The following SLC25A42 variants were observed in gnomAD, a reference collection of about 807,000 sequenced individuals.
SLC25A42 encodes the protein solute carrier family 25 member 42, also known as mitochondrial coenzyme A transporter SLC25A42.
In SLC25A42, 19 loss-of-function variants were observed where a neutral mutation model predicts 34.7. The observed-to-expected ratio is 0.55, with a 90% CI of 0.38 to 0.80. The LOEUF (loss-of-function observed/expected upper bound fraction) is 0.80, where lower values mean the gene tolerates loss of function less well. SLC25A42 is among the 30% of genes least tolerant of loss of function. SLC25A42 has a pLI of 0.00. For synonymous variants in SLC25A42, 205 were observed against 191.2 expected (o/e 1.07, Z -0.59); for missense variants, 364 against 441.3 (o/e 0.82, Z 1.57).
intron 1 of SLC25A42, among the ~76,000 whole-genome samples, chr19:19,076,613 A>G (rs950575568): frequency 2.0e-5 from 3 of 152,232 alleles, no homozygotes; most frequent in African/African-American, 4.8e-5. Context: ...CAGGTTTGGC[A>G]TCCATTGGCC....
At chr19:19,106,161 C>T in intron 5 of SLC25A42, 108 bp from the exon 6 acceptor site, 2 of 940,788 alleles carry the variant, frequency 2.1e-6, no homozygotes, top group Non-Finnish European at 3.2e-6. Flanking sequence ...TCCTCGGTCC[C>T]CACCCCTGTC....
chr19:19,101,662 A>AG (rs1444076632), intron 2 of SLC25A42, 119 bp from the exon 3 acceptor site: 2 of 808,316 alleles, frequency 2.5e-6, no homozygotes, highest in East Asian at 5.5e-5. Flanking sequence ...CAACATACTC[A>AG]GGGTGGGGTA....
chr19:19,105,371 G>A lies in SLC25A42; in HGVS notation c.214-190G>A. The A allele has an allele frequency of 6.0e-6, 4 of 666,588 alleles. No homozygotes were observed. In the Admixed American group the frequency reaches 9.1e-5, roughly 15 times the overall value. The allele number at this position is 666,588 out of a possible 1,614,324, so 41.3% of individuals were successfully genotyped here. A position where few individuals can be genotyped will look rare whatever the true frequency, so the allele number is the denominator to read the frequency against. ...AGAAAACATAGGGAGGAAGGACGGGGCTGGGGTTGATAATGTCAGTCTGGA... is the reference window on the plus strand; with the variant it reads ...AGAAAACATAGGGAGGAAGGACGGGACTGGGGTTGATAATGTCAGTCTGGA... On this transcript the variant is annotated intron_variant, in intron 4 of 7. Coordinates refer to ENST00000318596, the MANE Select transcript of SLC25A42 (RefSeq NM_178526.5).
At chr19:19,068,527 C>T (rs987090064) in intron 1 of SLC25A42, among the ~76,000 whole-genome samples, 2 of 151,688 alleles carry the variant, frequency 1.3e-5, no homozygotes, top group African/African-American at 4.8e-5. Flanking sequence ...ATTAGCCGGG[C>T]ATGTTGGTGG....
At chr19:19,089,466 T>G (rs2059726080) in intron 1 of SLC25A42, among the ~76,000 whole-genome samples, 1 of 150,860 alleles carries the variant, frequency 6.6e-6, no homozygotes, top group Non-Finnish European at 1.5e-5. Context: ...AGGTGGAGGT[T>G]GCAGTGAGCT....
Position 19,105,462 on chromosome 19 carries a change from C to G in SLC25A42, c.214-99C>G, listed in dbSNP as rs1048095357. 4.2e-6 allele frequency: 6 copies of G among 1,437,928 alleles called. No individual in the cohort carries two copies. The African/African-American group carries it at 7.1e-5, about 17-fold the overall frequency. The allele number at this position is 1,437,928 out of a possible 1,614,324, so 89.1% of individuals were successfully genotyped here. On this transcript the variant is annotated intron_variant, in intron 4 of 7. Coordinates refer to ENST00000318596, the MANE Select transcript of SLC25A42 (RefSeq NM_178526.5). ...GCTGTGCATGGAGATGGGGTCACCCCGGCCCCGCCTCCGCACTTTGGGCGC... is the reference window on the plus strand; with the variant it reads ...GCTGTGCATGGAGATGGGGTCACCCGGGCCCCGCCTCCGCACTTTGGGCGC...
chr19:19,070,994 T>TTTTTTTTTTTTTTTC, intron 1 of SLC25A42, among the ~76,000 whole-genome samples: 1 of 135,960 alleles, frequency 7.4e-6, no homozygotes, highest in African/African-American at 2.8e-5. Context: ...ATACCGTCTT[T>TTTTTTTTTTTTTTTC]TTTTTTTTTT....
At chr19:19,069,036 A>C (rs2059616645) in intron 1 of SLC25A42, among the ~76,000 whole-genome samples, 1 of 151,910 alleles carries the variant, frequency 6.6e-6, no homozygotes, top group Admixed American at 6.6e-5. Flanking sequence ...TTAAAAAAAA[A>C]AAAAAAGTAT....
At chr19:19,073,637 T>C (rs2059641636) in intron 1 of SLC25A42, among the ~76,000 whole-genome samples, 1 of 151,526 alleles carries the variant, frequency 6.6e-6, no homozygotes, top group African/African-American at 2.4e-5. Context: ...TGCAGTGGCA[T>C]GATCTTGGCT....
intron 1 of SLC25A42, among the ~76,000 whole-genome samples, chr19:19,083,465 C>T (rs2059691187): frequency 6.6e-6 from 1 of 152,256 alleles, no homozygotes; most frequent in Non-Finnish European, 1.5e-5. Flanking sequence ...CCTTAAGGTT[C>T]CCCTTTCCAG....
chr19:19,097,559 A>G (rs936191562), intron 2 of SLC25A42, among the ~76,000 whole-genome samples: 1 of 152,206 alleles, frequency 6.6e-6, no homozygotes, highest in Non-Finnish European at 1.5e-5. Context: ...TCACACACAC[A>G]TGCCCATTCT....
At chr19:19,095,868 T>C (rs2059761843) in intron 1 of SLC25A42, 1 of 574,250 alleles carries the variant, frequency 1.7e-6, no homozygotes, top group African/African-American at 1.8e-5. Flanking sequence ...GGGCACCAGA[T>C]TTGGAAAAAG....
At chr19:19,074,593 A>G (rs575340435) in intron 1 of SLC25A42, among the ~76,000 whole-genome samples, 1 of 152,314 alleles carries the variant, frequency 6.6e-6, no homozygotes, top group Admixed American at 6.5e-5. Context: ...AGGTAACAGC[A>G]TAAACGGTGG....
chr19:19,108,131 A>C, intron 7 of SLC25A42, 86 bp downstream of exon 7: 1 of 1,464,032 alleles, frequency 6.8e-7, no homozygotes, highest in Middle Eastern at 2.0e-4. Context: ...ATAGACCTGG[A>C]GACCAGGCGG....
At chr19:19,085,543 G>T (rs574343410) in intron 1 of SLC25A42, among the ~76,000 whole-genome samples, 73 of 152,284 alleles carry the variant, frequency 4.8e-4, no homozygotes, top group Admixed American at 1.3e-3. Context: ...CACATGCCCA[G>T]CTAATTTTTG....
intron 1 of SLC25A42, among the ~76,000 whole-genome samples, chr19:19,068,363 A>AT: frequency 6.7e-6 from 1 of 149,712 alleles, no homozygotes; most frequent in African/African-American, 2.5e-5. Context: ...TCAAAAAAAA[A>AT]AAAAAAAAGT....
At chr19:19,083,033 G>A (rs1483461124) in intron 1 of SLC25A42, among the ~76,000 whole-genome samples, 1 of 151,922 alleles carries the variant, frequency 6.6e-6, no homozygotes, top group South Asian at 2.1e-4. Context: ...TGTTGGCCAG[G>A]ATGGTCATGA....
chr19:19,103,230 A>G (rs2059807754), intron 3 of SLC25A42, among the ~76,000 whole-genome samples: 3 of 152,082 alleles, frequency 2.0e-5, no homozygotes, highest in African/African-American at 7.2e-5. Context: ...AGTAGCTGGG[A>G]CAACAGGCAC....
chr19:19,086,080 C>A (rs1367743351), intron 1 of SLC25A42, among the ~76,000 whole-genome samples: 2 of 152,210 alleles, frequency 1.3e-5, no homozygotes, highest in South Asian at 2.1e-4. Context: ...GCCACAGACA[C>A]CCAACGTGTG....
Sources: gnomAD v4.1 joint callset for allele counts (sites outside exome capture counted in the v4.1 genomes callset) on GRCh38, gnomAD v4.1.1 for gene constraint, MANE v1.5 for transcripts, NCBI Gene and HGNC (gene_info 2026-07-23, HGNC 2026-07-21) for gene names.